The following GALNT6 variants were observed in gnomAD, a reference collection of about 807,000 sequenced individuals.
GALNT6 encodes polypeptide N-acetylgalactosaminyltransferase 6, also known as GalNAc transferase 6.
A neutral mutation model predicts 65.9 loss-of-function variants in GALNT6; 51 were observed. The ratio of observed to expected loss-of-function variants is 0.77; its 90% confidence interval spans 0.62 to 0.98. The LOEUF (loss-of-function observed/expected upper bound fraction) is 0.98. Ranked by LOEUF, GALNT6 falls within the 50% of genes least tolerant of loss-of-function variation. The pLI, the probability that GALNT6 is intolerant of heterozygous loss-of-function variation, is 0.00. For missense variants in GALNT6, 708 were observed against 803.3 expected (o/e 0.88, Z 1.43); for synonymous variants, 323 against 315.1 (o/e 1.02, Z -0.26).
chr12:51,359,440 T>C (rs1946851349), intron 7 of GALNT6, 108 bp from the exon 8 acceptor site: 2 of 721,958 alleles, frequency 2.8e-6, no homozygotes, highest in Non-Finnish European at 4.7e-6. Flanking sequence ...GTCCAAGGAC[T>C]TGGGCAAATG....
chr12:51,355,932 G>T lies in GALNT6; in HGVS notation c.1629C>A (p.Asp543Glu), dbSNP rs1386623772. Residue 543 changes from aspartate (D) to glutamate (E), a missense_variant, in exon 11 of 12, where the codon GAC (aspartate) becomes GAA (glutamate). By Grantham distance (45) the Asp-to-Glu change is conservative. Coordinates refer to ENST00000356317, the MANE Select transcript of GALNT6 (RefSeq NM_007210.4). ...NQYFEYTTQRDLRHNIAKQLC... is the reference protein window; with the variant it reads ...NQYFEYTTQRELRHNIAKQLC... ...GCTGCTTTGCGATGTTGTGGCGAAG[G>T]TCCCTCTGAGTTGTGTACTCAAAGT... 2.5e-6 allele frequency: 4 copies of T among 1,613,328 alleles called. No homozygotes were observed. Among genetic ancestry groups the T allele is most frequent in the Non-Finnish European group, 3.4e-6 (4 of 1,179,576 alleles).
intron 4 of GALNT6, among the ~76,000 whole-genome samples, chr12:51,374,432 T>C (rs1471664807): frequency 6.6e-6 from 1 of 152,202 alleles, no homozygotes; most frequent in Non-Finnish European, 1.5e-5. Context: ...CCTGGGAAGA[T>C]GTGAGCTTCC....
chr12:51,365,670 A>C, intron 4 of GALNT6, 91 bp from the exon 5 acceptor site: 1 of 1,324,998 alleles, frequency 7.5e-7, no homozygotes, highest in Non-Finnish European at 1.0e-6. Context: ...TCAGGCCTCT[A>C]GCAGGCCTGA....
chr12:51,371,016 C>T (rs986982311), intron 4 of GALNT6, among the ~76,000 whole-genome samples: 1 of 151,510 alleles, frequency 6.6e-6, no homozygotes. Flanking sequence ...CGGTGGCTTA[C>T]GGAGGTCTCA....
At chr12:51,364,430 GC>G in intron 5 of GALNT6, 75 bp from the exon 6 acceptor site, 1 of 1,017,644 alleles carries the variant, frequency 9.8e-7, no homozygotes. Context: ...TGGAGGGAAT[GC>G]CCAGGAGGAT....
rs770167567 is a variant in GALNT6 at position 51,364,177 on chromosome 12, C to G, written c.993G>C (p.Trp331Cys). 1 of 1,614,038 alleles carries G rather than the reference C, an allele frequency of 6.2e-7. No individual in the cohort carries two copies. Among genetic ancestry groups the G allele is most frequent in the African/African-American group, 1.3e-5 (1 of 74,904 alleles). Residue 331 changes from tryptophan to cysteine, a missense_variant, in exon 6 of 12, where the codon TGG becomes TGC. Physicochemically the swap from Trp to Cys is radical, Grantham distance 215. Transcript: ENST00000356317. The stretch of plus-strand genomic sequence containing the variant: ...GCTTCTCATGTGGAGGAAGTGTTTC[C>G]CAGCCGAAGGTCAGGCTCCAGTCAA... ...GNFDWSLTFG[W>C]ETLPPHEKQR...
chr12:51,355,333 C>A (rs1262928217), intron 11 of GALNT6, among the ~76,000 whole-genome samples: 2 of 152,140 alleles, frequency 1.3e-5, no homozygotes, highest in East Asian at 1.9e-4. Flanking sequence ...CACCAAATAC[C>A]CTTTAAGCCT....
rs1040636942 is a variant in GALNT6 at position 51,351,496 on chromosome 12, T to C, written c.*2883A>G. The stretch of plus-strand genomic sequence containing the variant: ...CTGCTGCCTGTGTAACAACTCTGCT[T>C]ATTGAGCCCTTCCCATCTGAGGACT... On this transcript the variant is annotated 3_prime_UTR_variant, in exon 12 of 12. Coordinates refer to ENST00000356317, the MANE Select transcript of GALNT6 (RefSeq NM_007210.4). 6.6e-6 allele frequency: 1 copy of C among 152,336 alleles called. No homozygotes were observed. Among genetic ancestry groups the C allele is most frequent in the Middle Eastern group, 3.4e-3 (1 of 292 alleles). The allele number at this position is 152,336 out of a possible 1,614,324, so 9.4% of individuals were successfully genotyped here. A position where few individuals can be genotyped will look rare whatever the true frequency, so the allele number is the denominator to read the frequency against.
Position 51,357,461 on chromosome 12 carries a change from G to C in GALNT6, c.1501-11C>G. ...GCCGAGGTTCTTGATCTGCAGAAGG[G>C]TGAGCAGAGAGGGGAAGCAGGATGG... On this transcript the variant is annotated splice_polypyrimidine_tract_variant and intron_variant, in intron 9 of 11. Transcript: ENST00000356317. 5 of 1,599,658 alleles carry C rather than the reference G, an allele frequency of 3.1e-6. No individual in the cohort carries two copies. Among genetic ancestry groups the C allele is most frequent in the Non-Finnish European group, 3.4e-6 (4 of 1,166,818 alleles).
chr12:51,371,068 T>C (rs1366707242), intron 4 of GALNT6, among the ~76,000 whole-genome samples: 4 of 54,248 alleles, frequency 7.4e-5, no homozygotes, highest in African/African-American at 2.4e-4. Context: ...ATTATTATTA[T>C]TATTATTATT....
chr12:51,377,321 T>C lies in GALNT6; in HGVS notation c.538A>G (p.Ser180Gly). ...TCGTTGTGGAACACAATGATCACGCTGGTGGTGGCCAGTGGGGGGCAGCGC... is the reference window on the plus strand; with the variant it reads ...TCGTTGTGGAACACAATGATCACGCCGGTGGTGGCCAGTGGGGGGCAGCGC... The part of the protein sequence containing the change: ...FRRCPPLATT[S>G]VIIVFHNEAW... Residue 180 changes from serine (S) to glycine (G), a missense_variant, in exon 4 of 12, where the codon AGC becomes GGC. Physicochemically the swap from Ser to Gly is moderately conservative, Grantham distance 56. Transcript: ENST00000356317. 5.0e-6 allele frequency: 8 copies of C among 1,613,082 alleles called. No individual in the cohort carries two copies. The highest frequency in any genetic ancestry group is 6.8e-6 in the Non-Finnish European group (8 of 1,180,000).
chr12:51,366,651 C>G (rs920414891), intron 4 of GALNT6, among the ~76,000 whole-genome samples: 1 of 152,102 alleles, frequency 6.6e-6, no homozygotes. Flanking sequence ...GCAGGTGATC[C>G]ATGATCTAAC....
At position 51,388,187 on chromosome 12, in the gene GALNT6, A is replaced by G. The variant is rs1947899833; in HGVS notation, c.-104+2663T>C. On this transcript the variant is annotated intron_variant, in intron 2 of 11. Transcript: ENST00000356317. ...TTCATTCCCTGCCTCCGGGTTCCTC[A>G]CTGTCCTTTCTGCTTTCAAAACCTT... Among the ~76,000 whole-genome samples the G allele has an allele frequency of 2.0e-5, 3 of 152,080 alleles. No individual in the cohort carries two copies. In the South Asian group the frequency reaches 6.2e-4, roughly 32 times the overall value.
chr12:51,389,604 T>C (rs997097183), intron 2 of GALNT6, among the ~76,000 whole-genome samples: 1 of 152,202 alleles, frequency 6.6e-6, no homozygotes, highest in African/African-American at 2.4e-5. Context: ...GCTAAGATTA[T>C]ATATCGAAGT....
intron 6 of GALNT6, among the ~76,000 whole-genome samples, chr12:51,363,806 T>A (rs1161235898): frequency 6.6e-6 from 1 of 152,190 alleles, no homozygotes; most frequent in Non-Finnish European, 1.5e-5. Flanking sequence ...CTTAGTTCAG[T>A]GCCTGGCACA....
chr12:51,373,866 TA>T (rs1311621817), intron 4 of GALNT6, among the ~76,000 whole-genome samples: 3 of 152,162 alleles, frequency 2.0e-5, no homozygotes, highest in Non-Finnish European at 4.4e-5. Flanking sequence ...ATTTATTTAT[TA>T]TTTTTTTTTA....
rs1946617246 is a variant in GALNT6 at position 51,351,706 on chromosome 12, C to T, written c.*2673G>A. On this transcript the variant is annotated 3_prime_UTR_variant, in exon 12 of 12. Coordinates refer to ENST00000356317, the MANE Select transcript of GALNT6 (RefSeq NM_007210.4). ...CAGGACCTCGTTTGACGTCTCACGT[C>T]TCCACGTGCTTGACACAATACATAA... 6.6e-6 allele frequency: 1 copy of T among 152,238 alleles called. No homozygotes were observed. Among genetic ancestry groups the T allele is most frequent in the Admixed American group, 6.5e-5 (1 of 15,282 alleles). The allele number at this position is 152,238 out of a possible 1,614,324, so 9.4% of individuals were successfully genotyped here.
intron 2 of GALNT6, among the ~76,000 whole-genome samples, chr12:51,389,680 C>T (rs896997924): frequency 6.6e-6 from 1 of 152,194 alleles, no homozygotes; most frequent in African/African-American, 2.4e-5. Flanking sequence ...CTGAGAGGCC[C>T]TCAGCCCTAG....
intron 2 of GALNT6, among the ~76,000 whole-genome samples, chr12:51,380,307 A>G (rs1947621971): frequency 6.6e-6 from 1 of 152,194 alleles, no homozygotes; most frequent in South Asian, 2.1e-4. Flanking sequence ...TTAAGCCAAC[A>G]CTGACTTAAA....
Sources: gnomAD v4.1 joint callset for allele counts (sites outside exome capture counted in the v4.1 genomes callset) on GRCh38, gnomAD v4.1.1 for gene constraint, MANE v1.5 for transcripts, NCBI Gene and HGNC (gene_info 2026-07-23, HGNC 2026-07-21) for gene names.